RGS20: variants seen among roughly 807,000 people sequenced by gnomAD.
RGS20 encodes gz-selective GTPase-activating protein.
RGS20 carries 30 observed loss-of-function variants against 33.6 expected under a neutral mutation model. The observed-to-expected ratio is 0.89, with a 90% CI of 0.67 to 1.21. RGS20 has a LOEUF of 1.21. Among genes scored for constraint, RGS20 ranks in the 50% most tolerant of loss-of-function variants. RGS20 has a pLI of 0.00. For missense variants in RGS20, 472 were observed against 502.4 expected, an observed-to-expected ratio of 0.94 and a Z score of 0.58; for synonymous variants, 208 against 197.9, an observed-to-expected ratio of 1.05 and a Z score of -0.43.
chr8:53,943,638 G>T (rs912164241), intron 3 of RGS20, among the ~76,000 whole-genome samples: 4 of 152,092 alleles, frequency 2.6e-5, no homozygotes, highest in African/African-American at 7.2e-5. Flanking sequence ...AAACCACATT[G>T]TCTCTTTAAA....
intron 2 of RGS20, among the ~76,000 whole-genome samples, chr8:53,914,395 T>C (rs1162261305): frequency 6.6e-6 from 1 of 152,154 alleles, no homozygotes; most frequent in African/African-American, 2.4e-5. Flanking sequence ...ATTCTCTCCT[T>C]CTTTCTCTTC....
At chr8:53,934,760 C>T (rs1814081691) in intron 2 of RGS20, among the ~76,000 whole-genome samples, 1 of 152,134 alleles carries the variant, frequency 6.6e-6, no homozygotes, top group South Asian at 2.1e-4. Context: ...CCAAGCAGAC[C>T]TAATAGACAT....
intron 1 of RGS20, among the ~76,000 whole-genome samples, chr8:53,854,891 A>T (rs1261089245): frequency 6.6e-6 from 1 of 152,232 alleles, no homozygotes; most frequent in Non-Finnish European, 1.5e-5. Flanking sequence ...GGGATGAATG[A>T]TTAAACAAAC....
chr8:53,854,165 A>G (rs1811624273), intron 1 of RGS20, among the ~76,000 whole-genome samples: 1 of 152,188 alleles, frequency 6.6e-6, no homozygotes, highest in Non-Finnish European at 1.5e-5. Context: ...TTTATGAGGT[A>G]GGGCTAGGTG....
At chr8:53,861,393 T>C (rs1811807042) in intron 1 of RGS20, among the ~76,000 whole-genome samples, 1 of 152,204 alleles carries the variant, frequency 6.6e-6, no homozygotes, top group Non-Finnish European at 1.5e-5. Flanking sequence ...CACTAATAAA[T>C]GAATATTTTT....
intron 2 of RGS20, among the ~76,000 whole-genome samples, chr8:53,908,145 G>T (rs895517887): frequency 6.6e-6 from 1 of 152,168 alleles, no homozygotes. Flanking sequence ...GATGGAAAAC[G>T]TTGGGAGATG....
chr8:53,861,341 T>G lies in RGS20; in HGVS notation c.165+9277T>G, dbSNP rs776766984. Among the ~76,000 whole-genome samples, 295 of 152,326 alleles carry G rather than the reference T, an allele frequency of 1.9e-3. 1 individual carries two copies. Among genetic ancestry groups the G allele is most frequent in the Middle Eastern group, 6.8e-3 (2 of 294 alleles). On this transcript the variant is annotated intron_variant, in intron 1 of 5. Transcript: ENST00000297313. The stretch of plus-strand genomic sequence containing the variant: ...TCTTGTGTGACCCTCTGTCCTCTCT[T>G]GAGTCAGCGTGACCCAGTGTGGGTC...
intron 1 of RGS20, among the ~76,000 whole-genome samples, chr8:53,856,148 A>G (rs374234132): frequency 2.6e-5 from 4 of 152,124 alleles, no homozygotes; most frequent in African/African-American, 7.2e-5. Flanking sequence ...AAAATAAACT[A>G]CAAAATCCCA....
intron 2 of RGS20, among the ~76,000 whole-genome samples, chr8:53,883,513 T>C (rs1266821201): frequency 6.6e-6 from 1 of 152,138 alleles, no homozygotes; most frequent in Non-Finnish European, 1.5e-5. Context: ...TGAGAGGCAG[T>C]GTTGCCAAAC....
chr8:53,860,708 C>T (rs1971975), intron 1 of RGS20, among the ~76,000 whole-genome samples: 1 of 152,240 alleles, frequency 6.6e-6, no homozygotes, highest in Non-Finnish European at 1.5e-5. Context: ...GGTCACACCT[C>T]TAATCCCAGC....
In RGS20 at chr8:53,958,359, T is replaced by TA. The variant is rs1327833615; in HGVS notation, c.1068_1069insA (p.Tyr357IlefsTer19). The TA allele has an allele frequency of 1.9e-6, 3 of 1,613,694 alleles. No individual in the cohort carries two copies. The African/African-American group carries it at 4.0e-5, about 22-fold the overall frequency. ...TATTCGATGATGCTCAACTTCAGAT[T>TA]TACACCCTGATGCACAGAGACTCAT... On this transcript the variant is annotated frameshift_variant, in exon 6 of 6. Transcript: ENST00000297313. LOFTEE classifies it high-confidence loss of function.
chr8:53,954,756 T>C (rs1257386865), intron 5 of RGS20, among the ~76,000 whole-genome samples: 4 of 148,860 alleles, frequency 2.7e-5, no homozygotes, highest in African/African-American at 4.9e-5. Flanking sequence ...GGTGCAATCT[T>C]GGCTCACTGC....
chr8:53,852,355 A>G (rs1295704235), intron 1 of RGS20, among the ~76,000 whole-genome samples: 1 of 152,128 alleles, frequency 6.6e-6, no homozygotes, highest in African/African-American at 2.4e-5. Flanking sequence ...ATCTAGACAG[A>G]TTTTGTGGCT....
chr8:53,873,258 G>A (rs1286551974), intron 1 of RGS20, among the ~76,000 whole-genome samples: 2 of 152,158 alleles, frequency 1.3e-5, no homozygotes, highest in African/African-American at 2.4e-5. Flanking sequence ...TGTACAGCCT[G>A]CAGAACCATG....
intron 1 of RGS20, among the ~76,000 whole-genome samples, chr8:53,864,327 G>A (rs569872404): frequency 1.3e-5 from 2 of 151,710 alleles, no homozygotes; most frequent in African/African-American, 2.4e-5. Context: ...CCAGCTACTC[G>A]GGAGGCTGAG....
At position 53,877,975 on chromosome 8, in the gene RGS20, C is replaced by G. The variant is rs1212528906; in HGVS notation, c.166-1283C>G. On this transcript the variant is annotated intron_variant, in intron 1 of 5. Transcript: ENST00000297313. This position sits in a 1 kb window ranked among gnomAD's most constrained non-coding sequence, Gnocchi z 5.7. ...GGGAACCGCGCCAGGCCCACGAGGC[C>G]GCTCGCGACCGCTCCCGCCTTCAGG... is the stretch of plus-strand genomic sequence containing the variant. 1.3e-5 allele frequency among the ~76,000 whole-genome samples: 2 copies of G among 152,176 alleles called. No homozygotes were observed. Among genetic ancestry groups the G allele is most frequent in the African/African-American group, 4.8e-5 (2 of 41,446 alleles).
In RGS20 at chr8:53,958,681, A is replaced by G. The variant is rs1218564572; in HGVS notation, c.*223A>G. ...AAAAATAAAGGGATATGGCTGTTGT[A>G]GAAAGATAGCGTATTTGCATTTACA... On this transcript the variant is annotated 3_prime_UTR_variant, in exon 6 of 6. Coordinates refer to ENST00000297313, the MANE Select transcript of RGS20 (RefSeq NM_170587.4). The G allele has an allele frequency of 7.8e-6, 2 of 256,636 alleles. No individual in the cohort carries two copies. The highest frequency in any genetic ancestry group is 1.4e-5 in the Non-Finnish European group (2 of 140,022). The allele number at this position is 256,636 out of a possible 1,614,324, so 15.9% of individuals were successfully genotyped here.
intron 2 of RGS20, among the ~76,000 whole-genome samples, chr8:53,893,414 C>T (rs1195933052): frequency 2.0e-5 from 3 of 152,310 alleles, no homozygotes; most frequent in Non-Finnish European, 4.4e-5. Context: ...CAGGACTCTC[C>T]TGACCTGGGC....
intron 1 of RGS20, among the ~76,000 whole-genome samples, chr8:53,872,144 C>A (rs1004930126): frequency 7.9e-5 from 12 of 152,226 alleles, no homozygotes; most frequent in Non-Finnish European, 1.3e-4. Context: ...CCTGCACTTA[C>A]AATCCATCTG....
Sources: gnomAD v4.1 joint callset for allele counts (sites outside exome capture counted in the v4.1 genomes callset) on GRCh38, gnomAD v4.1.1 for gene constraint, Gnocchi (gnomAD v3.1) non-coding constraint, MANE v1.5 for transcripts, NCBI Gene and HGNC (gene_info 2026-07-23, HGNC 2026-07-21) for gene names.